NCALD: variants seen among roughly 807,000 people sequenced by gnomAD.
The protein encoded by NCALD is neurocalcin delta.
Under a neutral mutation model 18.6 loss-of-function variants are expected in NCALD, and 10 were observed. The ratio of observed to expected loss-of-function variants is 0.54; its 90% CI spans 0.33 to 0.91. The LOEUF (loss-of-function observed/expected upper bound fraction) is 0.91, where lower values mean the gene tolerates loss of function less well. NCALD is among the 40% of genes least tolerant of loss of function. NCALD has a pLI of 0.03. For synonymous variants in NCALD, 88 were observed against 87.4 expected, an observed-to-expected ratio of 1.01 and a Z score of -0.04; for missense variants, 184 against 247.6, an observed-to-expected ratio of 0.74 and a Z score of 1.72.
At chr8:101,807,278 T>C (rs934254301) in intron 4 of NCALD, among the ~76,000 whole-genome samples, 3 of 152,128 alleles carry the variant, frequency 2.0e-5, no homozygotes, top group Admixed American at 6.5e-5. Flanking sequence ...TCTTGGCTCA[T>C]TAAAAAAGCA....
At chr8:101,725,255 G>A (rs1042838089) in intron 1 of NCALD, among the ~76,000 whole-genome samples, 98 of 152,272 alleles carry the variant, frequency 6.4e-4, no homozygotes, top group African/African-American at 2.2e-3. Flanking sequence ...AGAGACAAGC[G>A]GCTGAACATC....
chr8:102,012,742 A>G (rs1169501530), intron 2 of NCALD, among the ~76,000 whole-genome samples: 1 of 152,024 alleles, frequency 6.6e-6, no homozygotes, highest in African/African-American at 2.4e-5. Context: ...CTTCCTCTTT[A>G]CCTGAAACAA....
chr8:102,062,834 T>A (rs1823890470), intron 1 of NCALD, among the ~76,000 whole-genome samples: 1 of 152,106 alleles, frequency 6.6e-6, no homozygotes, highest in Non-Finnish European at 1.5e-5. Context: ...TCAGGTAATA[T>A]CCCACTGGCC....
chr8:102,066,829 T>C (rs946052599), intron 1 of NCALD, among the ~76,000 whole-genome samples: 6 of 152,076 alleles, frequency 3.9e-5, no homozygotes, highest in African/African-American at 1.4e-4. Context: ...AGAAAGAGAG[T>C]GTGCACAGCC....
At chr8:101,856,150 T>C (rs1336276450) in intron 4 of NCALD, among the ~76,000 whole-genome samples, 6 of 152,072 alleles carry the variant, frequency 3.9e-5, no homozygotes, top group Non-Finnish European at 5.9e-5. Flanking sequence ...GTCTCTTGTT[T>C]CGTTTGTTTA....
chr8:101,888,567 C>T (rs1415574178), intron 3 of NCALD, among the ~76,000 whole-genome samples: 2 of 151,776 alleles, frequency 1.3e-5, no homozygotes, highest in Non-Finnish European at 2.9e-5. Context: ...GCAGGGATGC[C>T]CCAACATGCC....
intron 1 of NCALD, among the ~76,000 whole-genome samples, chr8:101,765,870 C>G (rs1291288209): frequency 6.6e-6 from 1 of 152,180 alleles, no homozygotes; most frequent in Non-Finnish European, 1.5e-5. Context: ...TCTCTACTAC[C>G]ATATACTTCT....
At chr8:101,921,977 T>G (rs1433830533) in intron 2 of NCALD, among the ~76,000 whole-genome samples, 2 of 151,016 alleles carry the variant, frequency 1.3e-5, no homozygotes, top group Non-Finnish European at 2.9e-5. Flanking sequence ...ACAGTCTCCC[T>G]CTATTGCCCA....
rs2131958546 is a variant in NCALD, at chr8:101,985,583, A to G, written c.-157+34654T>C. 2.0e-5 allele frequency among the ~76,000 whole-genome samples: 3 copies of G among 152,328 alleles called. No homozygotes were observed. In the South Asian group the frequency reaches 6.2e-4, roughly 32 times the overall value. ...GTGAAAGGCTAAATATAACAAAGAA[A>G]AGCAGTTGTGGTCTTTCACAGTTTG... On this transcript the variant is annotated intron_variant, in intron 2 of 6. Coordinates refer to the NCALD transcript ENST00000311028.
At chr8:102,003,719 T>A (rs1821579831) in intron 2 of NCALD, among the ~76,000 whole-genome samples, 1 of 152,152 alleles carries the variant, frequency 6.6e-6, no homozygotes, top group Admixed American at 6.6e-5. Context: ...CAAGACTGGT[T>A]CAACATACGC....
chr8:101,699,335 T>C (rs543337147), intron 2 of NCALD, among the ~76,000 whole-genome samples: 1 of 152,292 alleles, frequency 6.6e-6, no homozygotes, highest in East Asian at 1.9e-4. Context: ...AGTTCGACCA[T>C]TGTGGAAGAC....
chr8:101,995,374 T>A, intron 2 of NCALD, among the ~76,000 whole-genome samples: 1 of 152,194 alleles, frequency 6.6e-6, no homozygotes, highest in East Asian at 1.9e-4. Flanking sequence ...CTTGCACTGA[T>A]ATAAAGAAAT....
chr8:101,945,586 G>A (rs1819138186), intron 2 of NCALD, among the ~76,000 whole-genome samples: 3 of 152,164 alleles, frequency 2.0e-5, no homozygotes, highest in South Asian at 2.1e-4. Flanking sequence ...CAGTGAGTAC[G>A]GAAAAGAGCA....
At chr8:101,866,962 AC>A (rs1447404564) in intron 4 of NCALD, among the ~76,000 whole-genome samples, 1 of 151,772 alleles carries the variant, frequency 6.6e-6, no homozygotes, top group Non-Finnish European at 1.5e-5. Flanking sequence ...ATCCTTAAGA[AC>A]CCTCTATGCT....
intron 4 of NCALD, among the ~76,000 whole-genome samples, chr8:101,869,634 G>A (rs1586663117): frequency 6.6e-6 from 1 of 152,290 alleles, no homozygotes; most frequent in South Asian, 2.1e-4. Context: ...CAGGGCTGCA[G>A]GTTCCATCTG....
chr8:101,741,059 G>A (rs1810164008), intron 1 of NCALD, among the ~76,000 whole-genome samples: 1 of 152,100 alleles, frequency 6.6e-6, no homozygotes, highest in Non-Finnish European at 1.5e-5. Context: ...GTATTTTCCT[G>A]GACTATCACT....
At chr8:101,800,461 G>C (rs930453114) in intron 4 of NCALD, among the ~76,000 whole-genome samples, 14 of 150,604 alleles carry the variant, frequency 9.3e-5, no homozygotes, top group African/African-American at 3.4e-4. Flanking sequence ...AAAAGAAGGA[G>C]GAAAAAAGAG....
In NCALD at chr8:102,005,398, G is replaced by A. The variant is rs529921456; in HGVS notation, c.-157+14839C>T. 2.6e-5 allele frequency among the ~76,000 whole-genome samples: 4 copies of A among 152,296 alleles called. No homozygotes were observed. In the East Asian group the frequency reaches 7.7e-4, roughly 29 times the overall value. The stretch of plus-strand genomic sequence containing the variant: ...AACAACAGGTGCTGGAGAGGATGTG[G>A]AGAAATAGGAAGACTTTTACACTGT... On this transcript the variant is annotated intron_variant, in intron 2 of 6. Coordinates refer to the NCALD transcript ENST00000311028.
chr8:101,863,151 C>A (rs1017383298), intron 4 of NCALD, among the ~76,000 whole-genome samples: 1 of 152,200 alleles, frequency 6.6e-6, no homozygotes, highest in Non-Finnish European at 1.5e-5. Context: ...AGCTCCCAAA[C>A]CTCCTCCTCA....
Sources: allele counts gnomAD v4.1 joint callset (sites outside exome capture counted in the v4.1 genomes callset), GRCh38; gene constraint gnomAD v4.1.1; transcripts MANE v1.5; gene names NCBI Gene and HGNC (gene_info 2026-07-23, HGNC 2026-07-21).